ARHGEF12: variants seen among roughly 807,000 people sequenced by gnomAD.
ARHGEF12 encodes the protein Rho guanine nucleotide exchange factor 12, also known as KMT2A/ARHGEF12 fusion protein.
Under a neutral mutation model 211.2 loss-of-function variants are expected in ARHGEF12, and 66 were observed. That is an observed-to-expected ratio of 0.31 (90% CI 0.26 to 0.38). The LOEUF (loss-of-function observed/expected upper bound fraction) is 0.38. Among genes scored for constraint, ARHGEF12 ranks in the 10% least tolerant of loss-of-function variants. ARHGEF12 has a pLI of 1.00. For synonymous variants in ARHGEF12, 592 were observed against 638.4 expected, an observed-to-expected ratio of 0.93 and a Z score of 1.09; for missense variants, 1,429 against 1,869.5, an observed-to-expected ratio of 0.76 and a Z score of 4.34.
chr11:120,452,027 T>C lies in ARHGEF12; in HGVS notation c.2056+303T>C, dbSNP rs551109150. ...CTCTCTTGAGAGCGATAGTCACAAA[T>C]GTAAAAAATGCAAATTGTGCCAAGT... is the stretch of plus-strand genomic sequence containing the variant. On this transcript the variant is annotated intron_variant, in intron 22 of 40. Coordinates refer to ENST00000397843, the MANE Select transcript of ARHGEF12 (RefSeq NM_015313.3). 2.6e-5 allele frequency among the ~76,000 whole-genome samples: 4 copies of C among 152,244 alleles called. No homozygotes were observed. In the East Asian group the frequency reaches 7.7e-4, roughly 29 times the overall value.
intron 1 of ARHGEF12, among the ~76,000 whole-genome samples, chr11:120,392,511 C>T (rs968234252): frequency 2.0e-5 from 3 of 152,122 alleles, no homozygotes; most frequent in Non-Finnish European, 4.4e-5. Context: ...GTTTGTGTAA[C>T]TTTGTATGTA....
At chr11:120,442,869 T>C (rs1945923444) in intron 15 of ARHGEF12, among the ~76,000 whole-genome samples, 1 of 152,084 alleles carries the variant, frequency 6.6e-6, no homozygotes, top group Non-Finnish European at 1.5e-5. Flanking sequence ...TCACTTCCTT[T>C]CCTAGTCCTT....
chr11:120,346,452 G>A (rs1162162499), intron 1 of ARHGEF12, among the ~76,000 whole-genome samples: 1 of 152,226 alleles, frequency 6.6e-6, no homozygotes, highest in Non-Finnish European at 1.5e-5. Flanking sequence ...ACTCAGTCAT[G>A]TTGTATGTCA....
intron 1 of ARHGEF12, among the ~76,000 whole-genome samples, chr11:120,363,055 G>A (rs150586285): frequency 0.011 from 1,687 of 152,216 alleles, 34 homozygotes; most frequent in African/African-American, 0.038. Context: ...AGCTGAGATC[G>A]CACCACTGCA....
chr11:120,447,771 A>G (rs942732804), intron 18 of ARHGEF12, 103 bp from the exon 19 acceptor site: 85 of 740,826 alleles, frequency 1.1e-4, no homozygotes, highest in Non-Finnish European at 1.8e-4. Context: ...AGCCAGGATC[A>G]TGCCATTGCA....
intron 7 of ARHGEF12, 44 bp from the exon 8 acceptor site, chr11:120,428,025 G>C: frequency 6.8e-7 from 1 of 1,476,724 alleles, no homozygotes; most frequent in Non-Finnish European, 9.0e-7. Flanking sequence ...TCTTGACAAT[G>C]TTATTTTCCC....
intron 1 of ARHGEF12, among the ~76,000 whole-genome samples, chr11:120,375,473 G>A (rs866058900): frequency 2.0e-5 from 3 of 150,724 alleles, no homozygotes; most frequent in Middle Eastern, 3.4e-3. Context: ...AAAAGCACCC[G>A]TACAATTATT....
At chr11:120,447,850 A>G in intron 18 of ARHGEF12, 24 bp from the exon 19 acceptor site, 1 of 1,505,532 alleles carries the variant, frequency 6.6e-7, no homozygotes, top group African/African-American at 1.4e-5. Flanking sequence ...TTTCATTTTT[A>G]AATTTTTTTT....
At chr11:120,345,233 C>T (rs534515411) in intron 1 of ARHGEF12, among the ~76,000 whole-genome samples, 1 of 152,256 alleles carries the variant, frequency 6.6e-6, no homozygotes, top group South Asian at 2.1e-4. Context: ...ACTAAGAACC[C>T]ATGACTGTAT....
Position 120,488,803 on chromosome 11 carries a change from A to C in ARHGEF12, c.*3726A>C, listed in dbSNP as rs1947465160. 1 of 210,522 alleles carries C rather than the reference A, an allele frequency of 4.8e-6. No individual in the cohort carries two copies. Among genetic ancestry groups the C allele is most frequent in the Non-Finnish European group, 9.7e-6 (1 of 103,560 alleles). The allele number at this position is 210,522 out of a possible 1,614,324, so 13.0% of individuals were successfully genotyped here. ...AAAAATATCTGGAACTATCTTTAAA[A>C]AAACTTTATTAATAATCATGTATTT... On this transcript the variant is annotated 3_prime_UTR_variant, in exon 41 of 41. Transcript: ENST00000397843.
At chr11:120,341,070 T>C (rs1942520579) in intron 1 of ARHGEF12, among the ~76,000 whole-genome samples, 1 of 152,158 alleles carries the variant, frequency 6.6e-6, no homozygotes, top group African/African-American at 2.4e-5. Context: ...AACATGTAGG[T>C]TTTTTTCTTT....
In ARHGEF12 at chr11:120,440,168, G is replaced by C; in HGVS notation, c.1039G>C (p.Ala347Pro). Reference sequence around the variant, plus strand: ...TGTCGGAAGTCCCTCAACCCGTATAGCACCTCATATTATTGGAGCAGAAGA... The same window carrying C: ...TGTCGGAAGTCCCTCAACCCGTATACCACCTCATATTATTGGAGCAGAAGA... ...SLVGSPSTRI[A>P]PHIIGAEDDD... is the part of the protein sequence containing the mutation. The change falls in exon 13 of 41, where the codon GCA becomes CCA. Residue 347 changes from alanine (A) to proline (P), a missense_variant. By Grantham distance (27) the Ala-to-Pro change is conservative. Transcript: ENST00000397843. 1 of 1,613,892 alleles carries C rather than the reference G, an allele frequency of 6.2e-7. No individual in the cohort carries two copies. Among genetic ancestry groups the C allele is most frequent in the Non-Finnish European group, 8.5e-7 (1 of 1,179,864 alleles).
At chr11:120,459,349 C>T (rs1334775280) in intron 26 of ARHGEF12, 29 bp downstream of exon 26, 1 of 1,593,414 alleles carries the variant, frequency 6.3e-7, no homozygotes, top group African/African-American at 1.4e-5. Flanking sequence ...GATCTTTGCC[C>T]CTAACATTTC....
intron 1 of ARHGEF12, among the ~76,000 whole-genome samples, chr11:120,394,411 G>A (rs1944311749): frequency 6.6e-6 from 1 of 151,584 alleles, no homozygotes. Flanking sequence ...GCCCAGACTG[G>A]TCTCAAACTC....
chr11:120,463,143 CAACTT>C (rs1946585424), intron 27 of ARHGEF12: 1 of 152,316 alleles, frequency 6.6e-6, no homozygotes, highest in South Asian at 2.1e-4. Context: ...AATGCTTTCT[CAACTT>C]AAGATATTTT....
chr11:120,353,706 C>T (rs1943056614), intron 1 of ARHGEF12, among the ~76,000 whole-genome samples: 1 of 152,154 alleles, frequency 6.6e-6, no homozygotes. Flanking sequence ...CCACATCAGC[C>T]CTCTGAGACC....
At chr11:120,390,662 A>G (rs1355336431) in intron 1 of ARHGEF12, among the ~76,000 whole-genome samples, 1 of 152,168 alleles carries the variant, frequency 6.6e-6, no homozygotes, top group African/African-American at 2.4e-5. Context: ...TACTAGATCT[A>G]GTTTTCTGAG....
At position 120,345,429 on chromosome 11, in the gene ARHGEF12, C is replaced by T. The variant is rs919377996; in HGVS notation, c.32+8154C>T. On this transcript the variant is annotated intron_variant, in intron 1 of 40. Transcript: ENST00000397843. ...ATAGAAATGCATATAACAGGCCGGG[C>T]GTAGTGGCTCACGCCTGTAATCCCA... Among the ~76,000 whole-genome samples the T allele has an allele frequency of 7.2e-5, 11 of 152,132 alleles. No individual in the cohort carries two copies. The East Asian group carries it at 9.6e-4, about 13-fold the overall frequency.
chr11:120,454,993 G>C (rs1322537318), intron 22 of ARHGEF12, among the ~76,000 whole-genome samples: 1 of 152,040 alleles, frequency 6.6e-6, no homozygotes, highest in Non-Finnish European at 1.5e-5. Context: ...AAATGTGTGG[G>C]TATATTTTCA....
Sources: allele counts gnomAD v4.1 joint callset (sites outside exome capture counted in the v4.1 genomes callset), GRCh38; gene constraint gnomAD v4.1.1; transcripts MANE v1.5; gene names NCBI Gene and HGNC (gene_info 2026-07-23, HGNC 2026-07-21).